The following ATG7 variants were observed in gnomAD, a reference collection of about 807,000 sequenced individuals.
ATG7 encodes autophagy related 7.
ATG7 carries 70 observed loss-of-function variants against 82.4 expected under a neutral mutation model. The ratio of observed to expected loss-of-function variants is 0.85; its 90% confidence interval spans 0.70 to 1.04. The LOEUF (loss-of-function observed/expected upper bound fraction) is 1.04, where lower values mean the gene tolerates loss of function less well. Ranked by LOEUF, ATG7 falls within the 50% of genes least tolerant of loss-of-function variation. ATG7 has a pLI of 0.00. For missense variants in ATG7, 792 were observed against 864.3 expected, an observed-to-expected ratio of 0.92 and a Z score of 1.05; for synonymous variants, 287 against 313.0, an observed-to-expected ratio of 0.92 and a Z score of 0.88.
chr3:11,329,323 AG>A (rs1478781085), intron 9 of ATG7, among the ~76,000 whole-genome samples: 2 of 152,222 alleles, frequency 1.3e-5, no homozygotes, highest in African/African-American at 4.8e-5. Context: ...GGGAAATAAA[AG>A]GGAGTGTTTA....
intron 20 of ATG7, among the ~76,000 whole-genome samples, chr3:11,515,539 G>A (rs896259944): frequency 6.6e-6 from 1 of 152,104 alleles, no homozygotes; most frequent in Non-Finnish European, 1.5e-5. Flanking sequence ...CCTGATTACA[G>A]GTGGGATTAC....
chr3:11,286,694 G>T (rs1274542052), intron 3 of ATG7, among the ~76,000 whole-genome samples: 2 of 146,894 alleles, frequency 1.4e-5, no homozygotes, highest in African/African-American at 5.0e-5. Context: ...AATCTCCCAG[G>T]CTTAAGCGAT....
intron 3 of ATG7, among the ~76,000 whole-genome samples, chr3:11,297,674 T>A (rs1168371120): frequency 6.6e-6 from 1 of 152,142 alleles, no homozygotes; most frequent in Non-Finnish European, 1.5e-5. Flanking sequence ...ATTGAAAAGA[T>A]AAAATATGAG....
rs186079380 is a variant in ATG7, at chr3:11,550,567, T to A, written c.2080-4244T>A. ...CATGCCACTATGCCTGGCTCATTTT[T>A]AAAAAATTATTGTAGAGAAAGGGTC... On this transcript the variant is annotated intron_variant, in intron 20 of 20. Transcript: ENST00000693202. 6.1e-4 allele frequency among the ~76,000 whole-genome samples: 93 copies of A among 152,268 alleles called. 1 individual carries two copies. The highest frequency in any genetic ancestry group is 2.2e-3 in the African/African-American group (90 of 41,538).
intron 3 of ATG7, among the ~76,000 whole-genome samples, chr3:11,283,588 C>T (rs1476413227): frequency 2.6e-5 from 4 of 152,112 alleles, no homozygotes; most frequent in Non-Finnish European, 4.4e-5. Context: ...GACCTGATTC[C>T]TGACTGCATT....
intron 18 of ATG7, among the ~76,000 whole-genome samples, chr3:11,371,884 C>G (rs1249429364): frequency 6.6e-6 from 1 of 151,368 alleles, no homozygotes; most frequent in Admixed American, 6.6e-5. Flanking sequence ...TGCCTGAGAG[C>G]CTTTGGAAGC....
intron 20 of ATG7, among the ~76,000 whole-genome samples, chr3:11,518,451 G>T (rs2092345050): frequency 6.6e-6 from 1 of 151,994 alleles, no homozygotes; most frequent in Non-Finnish European, 1.5e-5. Context: ...GGAGGCTGAG[G>T]CAGGAGAATC....
At chr3:11,425,690 C>T (rs569622315) in intron 19 of ATG7, among the ~76,000 whole-genome samples, 3 of 151,382 alleles carry the variant, frequency 2.0e-5, no homozygotes, top group Non-Finnish European at 4.4e-5. Context: ...AACATATATC[C>T]AAAAAAAACA....
rs112785350 is a variant in ATG7 at position 11,372,495 on chromosome 3, A to G, written c.1876-7477A>G. Among the ~76,000 whole-genome samples the G allele has an allele frequency of 4.1e-3, 619 of 150,680 alleles. 32 individuals are homozygous for G. The highest frequency in any genetic ancestry group is 0.014 in the African/African-American group (577 of 40,802). On this transcript the variant is annotated intron_variant, in intron 18 of 20. Coordinates refer to ENST00000693202, the MANE Select transcript of ATG7 (RefSeq NM_001349232.2). ...ACATAACTGATATATAGTAAAATGA[A>G]CCCATTTTAGTATGATTTGACAAGT...
At chr3:11,279,869 C>T (rs544226837) in intron 1 of ATG7, among the ~76,000 whole-genome samples, 28 of 152,032 alleles carry the variant, frequency 1.8e-4, no homozygotes, top group African/African-American at 5.8e-4. Context: ...TGCTATACTC[C>T]GATTCCTCTT....
chr3:11,566,904 C>T, the ATG7 span, among the ~76,000 whole-genome samples: 1 of 152,106 alleles, frequency 6.6e-6, no homozygotes, highest in African/African-American at 2.4e-5. Context: ...TGAAGAGAAG[C>T]AGCATATGGG....
At chr3:11,451,611 G>T (rs2085139104) in intron 20 of ATG7, among the ~76,000 whole-genome samples, 1 of 152,180 alleles carries the variant, frequency 6.6e-6, no homozygotes, top group South Asian at 2.1e-4. Flanking sequence ...TAATGTGAGG[G>T]TGAGTGTGGC....
At chr3:11,455,634 GC>G (rs1247184730) in intron 20 of ATG7, among the ~76,000 whole-genome samples, 1 of 152,216 alleles carries the variant, frequency 6.6e-6, no homozygotes, top group East Asian at 1.9e-4. Context: ...AAAACCAGGA[GC>G]ACTTGTAAGG....
intron 20 of ATG7, among the ~76,000 whole-genome samples, chr3:11,463,202 T>G (rs2086514495): frequency 6.6e-6 from 1 of 152,040 alleles, no homozygotes; most frequent in Non-Finnish European, 1.5e-5. Context: ...GATATTTCTA[T>G]CCATTGTCAT....
At chr3:11,408,308 C>T (rs2080550572) in intron 19 of ATG7, among the ~76,000 whole-genome samples, 2 of 152,180 alleles carry the variant, frequency 1.3e-5, no homozygotes, top group Non-Finnish European at 2.9e-5. Context: ...TTAGCCTGGA[C>T]CTTGTTTATA....
intron 20 of ATG7, among the ~76,000 whole-genome samples, chr3:11,523,844 T>C (rs1477949622): frequency 6.6e-6 from 1 of 152,168 alleles, no homozygotes; most frequent in African/African-American, 2.4e-5. Context: ...GCCAAATGCA[T>C]AGCAAGGGAT....
At chr3:11,343,792 C>T (rs1459533211) in intron 13 of ATG7, among the ~76,000 whole-genome samples, 1 of 152,126 alleles carries the variant, frequency 6.6e-6, no homozygotes, top group Non-Finnish European at 1.5e-5. Context: ...CCTTATATAC[C>T]TGAGTCTCTT....
intron 20 of ATG7, among the ~76,000 whole-genome samples, chr3:11,502,587 G>T (rs904679237): frequency 2.0e-5 from 3 of 151,616 alleles, no homozygotes; most frequent in African/African-American, 7.3e-5. Flanking sequence ...GTATTCCATG[G>T]TGTATATGTG....
intron 20 of ATG7, among the ~76,000 whole-genome samples, chr3:11,550,392 TC>T (rs1382452159): frequency 6.6e-6 from 1 of 152,194 alleles, no homozygotes; most frequent in Non-Finnish European, 1.5e-5. Context: ...TTGGTCTTTC[TC>T]TTCTTGAATT....
Sources: allele counts gnomAD v4.1 joint callset (sites outside exome capture counted in the v4.1 genomes callset), GRCh38; gene constraint gnomAD v4.1.1; transcripts MANE v1.5; gene names NCBI Gene and HGNC (gene_info 2026-07-23, HGNC 2026-07-21).